The following TNKS2 variants were observed in gnomAD, a reference collection of about 807,000 sequenced individuals.
TNKS2 encodes the protein poly [ADP-ribose] polymerase tankyrase-2.
In TNKS2, 72 loss-of-function variants were observed where a neutral mutation model predicts 137.6. The observed-to-expected ratio is 0.52, with a 90% CI of 0.43 to 0.64. The LOEUF (loss-of-function observed/expected upper bound fraction) is 0.64, where lower values mean the gene tolerates loss of function less well. Among genes scored for constraint, TNKS2 ranks in the 30% least tolerant of loss-of-function variants. The pLI is 0.00. For synonymous variants in TNKS2, 516 were observed against 512.1 expected (o/e 1.01, Z -0.10); for missense variants, 1,049 against 1,410.2 (o/e 0.74, Z 4.10).
At chr10:91,811,576 G>A (rs1054899390) in intron 1 of TNKS2, among the ~76,000 whole-genome samples, 1 of 152,024 alleles carries the variant, frequency 6.6e-6, no homozygotes, top group African/African-American at 2.4e-5. Context: ...TCATCTTTGT[G>A]ACCACAGAGC....
intron 21 of TNKS2, among the ~76,000 whole-genome samples, chr10:91,852,429 G>A (rs978387289): frequency 6.6e-6 from 1 of 150,820 alleles, no homozygotes; most frequent in Non-Finnish European, 1.5e-5. Flanking sequence ...GCGTGGTGGC[G>A]GGCACCTGTA....
intron 1 of TNKS2, among the ~76,000 whole-genome samples, chr10:91,809,395 G>C (rs747658797): frequency 1.3e-5 from 2 of 151,908 alleles, no homozygotes; most frequent in East Asian, 3.9e-4. Flanking sequence ...GGCTGGGCGC[G>C]GTGGCTCACG....
rs1842454399 is a variant in TNKS2 at position 91,848,647 on chromosome 10, T to A, written c.2611+12T>A. 6.2e-7 allele frequency: 1 copy of A among 1,612,820 alleles called. No individual in the cohort carries two copies. On this transcript the variant is annotated intron_variant, in intron 19 of 26. Transcript: ENST00000371627. ...GGAGAAAAAGGAGGGTGAGACGTTCTACAAAAATAACTTTCTAACTGGTAT... is the reference window on the plus strand; with the variant it reads ...GGAGAAAAAGGAGGGTGAGACGTTCAACAAAAATAACTTTCTAACTGGTAT...
At chr10:91,825,595 CT>C (rs1442771758) in intron 7 of TNKS2, among the ~76,000 whole-genome samples, 1 of 152,180 alleles carries the variant, frequency 6.6e-6, no homozygotes, top group Non-Finnish European at 1.5e-5. Flanking sequence ...AACAGAAGTT[CT>C]CTAGTAATTA....
At chr10:91,830,795 G>A (rs1409956746) in intron 9 of TNKS2, 128 bp from the exon 10 acceptor site, 13 of 797,832 alleles carry the variant, frequency 1.6e-5, no homozygotes, top group Non-Finnish European at 7.7e-6. Context: ...AAAGTCAAGA[G>A]CAAAGTTGCG....
At chr10:91,855,753 A>G in intron 23 of TNKS2, 65 bp downstream of exon 23, 1 of 1,220,028 alleles carries the variant, frequency 8.2e-7, no homozygotes, top group South Asian at 1.3e-5. Flanking sequence ...GCCATAAGTA[A>G]CTTTCATAAG....
intron 7 of TNKS2, among the ~76,000 whole-genome samples, chr10:91,822,994 A>G (rs758247727): frequency 2.4e-4 from 37 of 151,038 alleles, no homozygotes; most frequent in Non-Finnish European, 5.2e-4. Context: ...TGGAGGTTAC[A>G]GTGAGCCAAG....
At chr10:91,826,364 T>C (rs905785065) in intron 7 of TNKS2, among the ~76,000 whole-genome samples, 2 of 152,184 alleles carry the variant, frequency 1.3e-5, no homozygotes, top group African/African-American at 4.8e-5. Flanking sequence ...ACAGTCCAAA[T>C]CTGCATTAAC....
At chr10:91,842,928 G>A (rs1005734432) in intron 16 of TNKS2, among the ~76,000 whole-genome samples, 21 of 152,198 alleles carry the variant, frequency 1.4e-4, no homozygotes, top group Middle Eastern at 3.4e-3. Flanking sequence ...ATTGAAGTAG[G>A]CTCTGCCAGT....
intron 11 of TNKS2, among the ~76,000 whole-genome samples, chr10:91,833,062 T>A (rs1023214021): frequency 2.0e-5 from 3 of 152,204 alleles, no homozygotes; most frequent in African/African-American, 7.2e-5. Context: ...TCTTTAGATG[T>A]AAAATGTGCA....
chr10:91,820,700 G>A (rs866145652), intron 6 of TNKS2, among the ~76,000 whole-genome samples: 1 of 152,218 alleles, frequency 6.6e-6, no homozygotes, highest in Non-Finnish European at 1.5e-5. Context: ...TGAAAGCAAT[G>A]TGTTGGCTAA....
intron 6 of TNKS2, among the ~76,000 whole-genome samples, chr10:91,820,529 G>A (rs1844853466): frequency 6.6e-6 from 1 of 152,230 alleles, no homozygotes; most frequent in South Asian, 2.1e-4. Flanking sequence ...CTTTGCTGGA[G>A]CAGATGATTC....
At position 91,851,318 on chromosome 10, in the gene TNKS2, CTT is replaced by C; in HGVS notation, c.2798_2799del (p.Leu933HisfsTer8). Reference protein sequence around the residue: ...RHKLIKGVERLISGQQGLNPY... With the variant: ...RHKLIKGVERXISGQQGLNPY... ...CAAACTAATTAAAGGAGTCGAGAGA[CTT>C]ATCTCCGGACAACAAGGTATTTTAT... On this transcript the variant is annotated frameshift_variant, in exon 21 of 27. Transcript: ENST00000371627. LOFTEE classifies it high-confidence loss of function. The C allele has an allele frequency of 6.2e-7, 1 of 1,608,018 alleles. No homozygotes were observed. The highest frequency in any genetic ancestry group is 8.5e-7 in the Non-Finnish European group (1 of 1,178,658).
At chr10:91,832,572 C>A (rs1373994473) in intron 11 of TNKS2, among the ~76,000 whole-genome samples, 1 of 151,824 alleles carries the variant, frequency 6.6e-6, no homozygotes, top group Non-Finnish European at 1.5e-5. Context: ...ATTTTTCAGG[C>A]CCTGTAAGCA....
intron 9 of TNKS2, 77 bp from the exon 10 acceptor site, chr10:91,830,846 T>G (rs1194339583): frequency 8.2e-7 from 1 of 1,220,854 alleles, no homozygotes; most frequent in Non-Finnish European, 1.1e-6. Flanking sequence ...ACTTGATTGT[T>G]CTTGATTGGA....
intron 3 of TNKS2, among the ~76,000 whole-genome samples, chr10:91,818,060 A>G (rs149698872): frequency 2.4e-4 from 36 of 152,366 alleles, no homozygotes; most frequent in African/African-American, 8.2e-4. Flanking sequence ...CTTCTTCATG[A>G]AAAGACTTCT....
In TNKS2 at chr10:91,813,175, C is replaced by T. The variant is rs773051061; in HGVS notation, c.392C>T (p.Ala131Val). ...DNWNYTPLHEAAIKGKIDVCI... is the reference protein window; with the variant it reads ...DNWNYTPLHEVAIKGKIDVCI... ...TGGAATTATACTCCTCTCCATGAAG[C>T]TGCAATTAAAGGAAAGATTGATGTT... Residue 131 changes from alanine to valine, a missense_variant, in exon 2 of 27, where the codon GCT (alanine) becomes GTT (valine). Transcript: ENST00000371627. 5.6e-6 allele frequency: 9 copies of T among 1,614,148 alleles called. No individual in the cohort carries two copies. In the Admixed American group the frequency reaches 1.5e-4, roughly 27 times the overall value.
At chr10:91,810,439 A>G (rs1354464366) in intron 1 of TNKS2, among the ~76,000 whole-genome samples, 1 of 151,848 alleles carries the variant, frequency 6.6e-6, no homozygotes, top group African/African-American at 2.4e-5. Flanking sequence ...GAAAAACACT[A>G]ATTTATGGGA....
intron 19 of TNKS2, 36 bp downstream of exon 19, chr10:91,848,671 A>C: frequency 6.2e-7 from 1 of 1,606,530 alleles, no homozygotes; most frequent in Non-Finnish European, 8.5e-7. Flanking sequence ...TCTAACTGGT[A>C]TTGTAGCCCC....
Sources: gnomAD v4.1 joint callset for allele counts (sites outside exome capture counted in the v4.1 genomes callset) on GRCh38, gnomAD v4.1.1 for gene constraint, MANE v1.5 for transcripts, NCBI Gene and HGNC (gene_info 2026-07-23, HGNC 2026-07-21) for gene names.